POM121C: variants seen among roughly 807,000 people sequenced by gnomAD.
The protein encoded by POM121C is nuclear envelope pore membrane protein POM 121C.
A neutral mutation model predicts 66.4 loss-of-function variants in POM121C; 20 were observed. The ratio of observed to expected loss-of-function variants is 0.30; its 90% CI spans 0.21 to 0.44. The LOEUF (loss-of-function observed/expected upper bound fraction) is 0.44, where lower values mean the gene tolerates loss of function less well. Among genes scored for constraint, POM121C ranks in the 20% least tolerant of loss-of-function variants. The pLI is 1.00. For synonymous variants in POM121C, 286 were observed against 528.0 expected, an observed-to-expected ratio of 0.54 and a Z score of 6.28; for missense variants, 580 against 1,225.7, an observed-to-expected ratio of 0.47 and a Z score of 7.87.
Position 75,477,154 on chromosome 7 carries a change from C to T in POM121C, c.-457-1966G>A, listed in dbSNP as rs782736440. ...ACACACTCTTATGCCTCAGTCTTCT[C>T]GGTCCGAAAGTCAGGATTTTACTTA... is the stretch of plus-strand genomic sequence containing the variant. On this transcript the variant is annotated intron_variant, in intron 1 of 14. Coordinates refer to ENST00000615331, the MANE Select transcript of POM121C (RefSeq NM_001099415.3). Among the ~76,000 whole-genome samples the T allele has an allele frequency of 5.0e-5, 7 of 140,352 alleles. No individual in the cohort carries two copies. In the East Asian group the frequency reaches 1.0e-3, roughly 20 times the overall value. 92.1% of individuals were successfully genotyped at this position (140,352 alleles called of 152,430 possible). A position where few individuals can be genotyped will look rare whatever the true frequency, so the allele number is the denominator to read the frequency against.
At position 75,424,242 on chromosome 7, in the gene POM121C, G is replaced by A. The variant is rs1554471370; in HGVS notation, c.872-17C>T. 1.2e-6 allele frequency: 2 copies of A among 1,611,682 alleles called. No individual in the cohort carries two copies. Among genetic ancestry groups the A allele is most frequent in the Non-Finnish European group, 1.7e-6 (2 of 1,179,646 alleles). On this transcript the variant is annotated splice_polypyrimidine_tract_variant and intron_variant, in intron 11 of 14. Coordinates refer to ENST00000615331, the MANE Select transcript of POM121C (RefSeq NM_001099415.3). The stretch of plus-strand genomic sequence containing the variant: ...AGGCAGCATCTAAGAAAGAAAGAAA[G>A]GTGAAGCAGTCCTGGCTTGTCTGGG...
At chr7:75,450,740 A>C (rs1790995103) in intron 3 of POM121C, among the ~76,000 whole-genome samples, 1 of 152,270 alleles carries the variant, frequency 6.6e-6, no homozygotes, top group Non-Finnish European at 1.5e-5. Context: ...TACAGCCTTC[A>C]ATGATTAAAA....
intron 13 of POM121C, 48 bp from the exon 14 acceptor site, chr7:75,419,490 C>G (rs1453861652): frequency 1.2e-6 from 2 of 1,601,526 alleles, no homozygotes; most frequent in South Asian, 1.1e-5. Flanking sequence ...AGGGCGGAGG[C>G]AGGCGAGGAG....
chr7:75,479,513 G>A lies in POM121C; in HGVS notation c.-457-4325C>T, dbSNP rs182229154. On this transcript the variant is annotated intron_variant, in intron 1 of 14. Coordinates refer to ENST00000615331, the MANE Select transcript of POM121C (RefSeq NM_001099415.3). ...TGTCTGTAATCCCAGCTACCCAGGAGGCTGAGGCAGGAGAATCACTTGAAC... is the reference window on the plus strand; with the variant it reads ...TGTCTGTAATCCCAGCTACCCAGGAAGCTGAGGCAGGAGAATCACTTGAAC... 1.9e-3 allele frequency among the ~76,000 whole-genome samples: 287 copies of A among 148,220 alleles called. 4 individuals carry two copies. Among genetic ancestry groups the A allele is most frequent in the African/African-American group, 7.0e-3 (265 of 38,036 alleles).
intron 1 of POM121C, chr7:75,484,288 T>C (rs587696465): frequency 5.3e-6 from 7 of 1,327,238 alleles, no homozygotes; most frequent in African/African-American, 2.9e-5. Flanking sequence ...ACTGAAGTCA[T>C]GAGGGCTCCG....
chr7:75,475,854 T>C (rs1443874628), intron 1 of POM121C, among the ~76,000 whole-genome samples: 3 of 152,262 alleles, frequency 2.0e-5, no homozygotes, highest in Admixed American at 1.3e-4. Context: ...CTTTATGCCA[T>C]CAGATTAGGC....
intron 3 of POM121C, among the ~76,000 whole-genome samples, chr7:75,460,697 C>A (rs1338357895): frequency 9.2e-5 from 14 of 152,090 alleles, no homozygotes; most frequent in African/African-American, 3.4e-4. Context: ...CTGATCTTCA[C>A]GAGTGAGTGG....
chr7:75,446,843 A>G (rs1790826922), intron 3 of POM121C, among the ~76,000 whole-genome samples: 2 of 149,830 alleles, frequency 1.3e-5, no homozygotes, highest in African/African-American at 4.9e-5. Context: ...CGCCATCTCT[A>G]TTAAAATACA....
At chr7:75,472,405 C>T (rs1345416999) in intron 3 of POM121C, among the ~76,000 whole-genome samples, 1 of 151,726 alleles carries the variant, frequency 6.6e-6, no homozygotes, top group African/African-American at 2.4e-5. Context: ...CTCAGCTACT[C>T]GGGAGGCTGA....
At chr7:75,434,187 TG>T (rs1468452881) in intron 7 of POM121C, among the ~76,000 whole-genome samples, 3 of 152,156 alleles carry the variant, frequency 2.0e-5, no homozygotes, top group Non-Finnish European at 4.4e-5. Flanking sequence ...GTAAAGGATA[TG>T]AACTAAGACT....
chr7:75,456,771 A>T (rs1323078168), intron 3 of POM121C, among the ~76,000 whole-genome samples: 6 of 152,362 alleles, frequency 3.9e-5, no homozygotes, highest in African/African-American at 1.4e-4. Context: ...TCAATGCCAA[A>T]TGTTGTTTCC....
intron 5 of POM121C, 58 bp downstream of exon 5, chr7:75,440,896 T>C: frequency 3.1e-6 from 5 of 1,613,226 alleles, no homozygotes; most frequent in Non-Finnish European, 4.2e-6. Flanking sequence ...AATGTCTACA[T>C]CTCATCCCAT....
chr7:75,437,706 T>G lies in POM121C; in HGVS notation c.309-20A>C, dbSNP rs1305420040. 5 of 1,563,830 alleles carry G rather than the reference T, an allele frequency of 3.2e-6. No individual in the cohort carries two copies. The African/African-American group carries it at 5.5e-5, about 17-fold the overall frequency. On this transcript the variant is annotated intron_variant, in intron 6 of 14. Coordinates refer to ENST00000615331, the MANE Select transcript of POM121C (RefSeq NM_001099415.3). Reference sequence around the variant, plus strand: ...CCAGGCCTAATAAAAGAGAAGACAGTTAGATGCTTTATTGAAGGCAACATT... The same window carrying G: ...CCAGGCCTAATAAAAGAGAAGACAGGTAGATGCTTTATTGAAGGCAACATT...
At chr7:75,467,408 T>G (rs1345379956) in intron 3 of POM121C, among the ~76,000 whole-genome samples, 1 of 151,824 alleles carries the variant, frequency 6.6e-6, no homozygotes, top group African/African-American at 2.4e-5. Context: ...GGCACATGCC[T>G]GTAGTCCCAG....
chr7:75,466,115 T>C (rs1791637399), intron 3 of POM121C, among the ~76,000 whole-genome samples: 4 of 148,538 alleles, frequency 2.7e-5, no homozygotes, highest in African/African-American at 1.0e-4. Flanking sequence ...CAAAGGGAGA[T>C]GCCATCTCTT....
At position 75,424,188 on chromosome 7, in the gene POM121C, G is replaced by A. The variant is rs1789840470; in HGVS notation, c.909C>T (p.Thr303=). 6.2e-7 allele frequency: 1 copy of A among 1,612,044 alleles called. No homozygotes were observed. Among genetic ancestry groups the A allele is most frequent in the Non-Finnish European group, 8.5e-7 (1 of 1,179,866 alleles). Residue 303 remains threonine (T), a synonymous_variant, in exon 12 of 15, where the codon ACC becomes ACT. Coordinates refer to ENST00000615331, the MANE Select transcript of POM121C (RefSeq NM_001099415.3). ...ASNSVTETPP[T]TQPSFTFTLP... ...GGGTAAAGGTAAATGAAGGCTGAGTGGTAGGTGGGGTCTCAGTGACAGAGT... is the reference window on the plus strand; with the variant it reads ...GGGTAAAGGTAAATGAAGGCTGAGTAGTAGGTGGGGTCTCAGTGACAGAGT...
intron 1 of POM121C, among the ~76,000 whole-genome samples, chr7:75,485,622 G>A (rs1792501611): frequency 6.6e-6 from 1 of 152,138 alleles, no homozygotes; most frequent in African/African-American, 2.4e-5. Context: ...GGGGTTAGCG[G>A]GGAGTGGAGA....
chr7:75,432,351 T>C (rs1258275139), intron 7 of POM121C, among the ~76,000 whole-genome samples: 1 of 152,200 alleles, frequency 6.6e-6, no homozygotes, highest in Non-Finnish European at 1.5e-5. Flanking sequence ...TAACTGTGGT[T>C]ATATTCCCAG....
chr7:75,429,873 G>C (rs1395082297), intron 7 of POM121C, among the ~76,000 whole-genome samples: 2 of 151,886 alleles, frequency 1.3e-5, no homozygotes, highest in Non-Finnish European at 2.9e-5. Context: ...AAATTAGCTA[G>C]GTGTGGTGAT....
Sources: allele counts gnomAD v4.1 joint callset (sites outside exome capture counted in the v4.1 genomes callset), GRCh38; gene constraint gnomAD v4.1.1; transcripts MANE v1.5; gene names NCBI Gene and HGNC (gene_info 2026-07-23, HGNC 2026-07-21).